ANKRD26: variants seen among roughly 807,000 people sequenced by gnomAD.
ANKRD26 encodes the protein ankyrin repeat domain-containing protein 26.
Under a neutral mutation model 208.7 loss-of-function variants are expected in ANKRD26, and 141 were observed. The observed-to-expected ratio is 0.68, with a 90% CI of 0.59 to 0.78. The LOEUF (loss-of-function observed/expected upper bound fraction) is 0.78, where lower values mean the gene tolerates loss of function less well. Ranked by LOEUF, ANKRD26 falls within the 30% of genes least tolerant of loss-of-function variation. ANKRD26 has a pLI of 0.00. For synonymous variants in ANKRD26, 636 were observed against 660.4 expected (o/e 0.96, Z 0.57); for missense variants, 1,889 against 1,938.7 (o/e 0.97, Z 0.48).
intron 1 of ANKRD26, 96 bp from the exon 2 acceptor site, chr10:27,093,895 T>C (rs932610134): frequency 1.9e-6 from 2 of 1,038,244 alleles, no homozygotes; most frequent in South Asian, 1.3e-5. Flanking sequence ...CATGTTGATA[T>C]GGTTTGGCTG....
chr10:27,057,014 T>C (rs2054861898), intron 15 of ANKRD26, among the ~76,000 whole-genome samples: 1 of 152,224 alleles, frequency 6.6e-6, no homozygotes, highest in Non-Finnish European at 1.5e-5. Context: ...TTTTGGTCAC[T>C]GACTGTGATA....
the ANKRD26 span, among the ~76,000 whole-genome samples, chr10:26,960,912 G>T: frequency 6.6e-6 from 1 of 152,044 alleles, no homozygotes; most frequent in African/African-American, 2.4e-5. Flanking sequence ...CTTTGCTAGG[G>T]CTTTAAATTA....
At chr10:26,973,836 TA>T (rs1457413497), downstream of ANKRD26, among the ~76,000 whole-genome samples, 1 of 151,898 alleles carries the variant, frequency 6.6e-6, no homozygotes, top group Non-Finnish European at 1.5e-5. Context: ...GTATTTTTTT[TA>T]GTAGAGACGG....
At chr10:27,075,011 TAA>T (rs1206284903) in intron 9 of ANKRD26, among the ~76,000 whole-genome samples, 1 of 152,028 alleles carries the variant, frequency 6.6e-6, no homozygotes, top group Non-Finnish European at 1.5e-5. Flanking sequence ...GAAGGAAAAA[TAA>T]AGTCTTTCTT....
intron 30 of ANKRD26, 104 bp from the exon 31 acceptor site, chr10:27,014,815 A>G: frequency 4.6e-6 from 4 of 875,570 alleles, no homozygotes; most frequent in Non-Finnish European, 7.2e-6. Context: ...CCCAAACTCC[A>G]AAAAGAGAAA....
chr10:27,063,843 T>C (rs1398641809), intron 12 of ANKRD26, 145 bp downstream of exon 12: 19 of 714,408 alleles, frequency 2.7e-5, no homozygotes, highest in Non-Finnish European at 7.2e-6. Context: ...ACCTAAGATA[T>C]ACAACTTATC....
chr10:27,014,520 T>C lies in ANKRD26; in HGVS notation c.4698A>G (p.Arg1566=), dbSNP rs1237696600. 24 of 1,586,350 alleles carry C rather than the reference T, an allele frequency of 1.5e-5. No homozygotes were observed. The highest frequency in any genetic ancestry group is 2.1e-5 in the Non-Finnish European group (24 of 1,160,254). ...KQLYLEELKV[R]KSLSSKLTKT... is the part of the protein sequence containing the mutation. ...TGGTTAGTTTACTTGACAAAGATTT[T>C]CTAACTTTTAATTCTTCTAGATAGA... The change falls in exon 31 of 34, where the codon AGA becomes AGG. Residue 1566 remains arginine (R), a synonymous_variant. Transcript: ENST00000376087.
chr10:27,032,794 A>G (rs1344256325), intron 25 of ANKRD26, among the ~76,000 whole-genome samples: 2 of 151,942 alleles, frequency 1.3e-5, no homozygotes, highest in Non-Finnish European at 2.9e-5. Context: ...CAGCCTGGGC[A>G]ACAGAGTGAG....
the ANKRD26 span, among the ~76,000 whole-genome samples, chr10:26,962,782 GAAC>G: frequency 1.4e-4 from 21 of 152,106 alleles, no homozygotes; most frequent in African/African-American, 5.1e-4. Flanking sequence ...GCTGTGTATG[GAAC>G]AACAACAACA....
At chr10:27,048,684 G>C (rs1381914482) in intron 17 of ANKRD26, 117 bp downstream of exon 17, 2 of 1,020,780 alleles carry the variant, frequency 2.0e-6, no homozygotes, top group East Asian at 5.3e-5. Flanking sequence ...GCAAGGCAAG[G>C]TTGCATATCC....
At chr10:27,066,921 C>T (rs531201645) in intron 10 of ANKRD26, among the ~76,000 whole-genome samples, 1 of 152,130 alleles carries the variant, frequency 6.6e-6, no homozygotes, top group South Asian at 2.1e-4. Context: ...AATTCTCTGC[C>T]TCAGCCTCCC....
intron 15 of ANKRD26, 32 bp from the exon 16 acceptor site, chr10:27,053,422 C>G (rs1201206140): frequency 1.1e-5 from 16 of 1,421,360 alleles, no homozygotes; most frequent in Non-Finnish European, 1.6e-5. Context: ...GTTTAATGAA[C>G]TACTTAGAAC....
At chr10:27,052,789 T>A (rs1016248545) in intron 16 of ANKRD26, among the ~76,000 whole-genome samples, 2 of 152,126 alleles carry the variant, frequency 1.3e-5, no homozygotes, top group African/African-American at 2.4e-5. Context: ...ACTGGGTTGA[T>A]TTTCTGACCT....
chr10:27,060,402 T>C lies in ANKRD26; in HGVS notation c.1507A>G (p.Lys503Glu). 6.2e-7 allele frequency: 1 copy of C among 1,612,740 alleles called. No individual in the cohort carries two copies. Among genetic ancestry groups the C allele is most frequent in the South Asian group, 1.1e-5 (1 of 91,008 alleles). ...YLHLKPTIEM[K>E]DSVPNKAGGM... ...CCTGCTTTATTTGGAACAGAATCTT[T>C]CATTTCAATGGTAGGCTGAATGGGT... The change falls in exon 15 of 34, where the codon AAA becomes GAA. Residue 503 changes from lysine to glutamate, a missense_variant. By Grantham distance (56) the Lys-to-Glu change is moderately conservative (BLOSUM62 1). Transcript: ENST00000376087.
At chr10:27,047,741 T>TAA (rs1278049883) in intron 17 of ANKRD26, among the ~76,000 whole-genome samples, 11 of 38,286 alleles carry the variant, frequency 2.9e-4, no homozygotes, top group Non-Finnish European at 9.7e-4. Context: ...ATAATAATAA[T>TAA]TATTATTATT....
At chr10:26,989,959 A>G (rs755167127), downstream of ANKRD26, among the ~76,000 whole-genome samples, 1 of 152,242 alleles carries the variant, frequency 6.6e-6, no homozygotes, top group East Asian at 1.9e-4. Flanking sequence ...TTTAAGAGTG[A>G]TCAAGTGCTA....
intron 29 of ANKRD26, among the ~76,000 whole-genome samples, chr10:27,021,599 T>C (rs966899838): frequency 2.0e-5 from 3 of 152,246 alleles, no homozygotes; most frequent in South Asian, 2.1e-4. Flanking sequence ...TTATGAGAAA[T>C]GTCTGTTTCA....
chr10:27,076,375 G>C (rs556292037), intron 9 of ANKRD26, among the ~76,000 whole-genome samples: 3 of 151,422 alleles, frequency 2.0e-5, no homozygotes, highest in Non-Finnish European at 2.9e-5. Flanking sequence ...TGATTCTCCT[G>C]CCTCAGCCTC....
rs534897070 is a variant in ANKRD26, at chr10:27,026,650, G to C, written c.3973-2091C>G. 8.4e-4 allele frequency among the ~76,000 whole-genome samples: 128 copies of C among 152,242 alleles called. 2 individuals carry two copies. Among genetic ancestry groups the C allele is most frequent in the Non-Finnish European group, 1.3e-3 (88 of 68,002 alleles). Reference sequence around the variant, plus strand: ...CCTTCTGATCTTCATTTCTACACAGGAAAGTGTGAATGACCAGAGAATCCT... The same window carrying C: ...CCTTCTGATCTTCATTTCTACACAGCAAAGTGTGAATGACCAGAGAATCCT... On this transcript the variant is annotated intron_variant, in intron 27 of 33. Coordinates refer to ENST00000376087, the MANE Select transcript of ANKRD26 (RefSeq NM_014915.3).
Sources: gnomAD v4.1 joint callset for allele counts (sites outside exome capture counted in the v4.1 genomes callset) on GRCh38, gnomAD v4.1.1 for gene constraint, MANE v1.5 for transcripts, NCBI Gene and HGNC (gene_info 2026-07-23, HGNC 2026-07-21) for gene names.